Variants in MAPK9 observed in about 807,000 individuals in gnomAD.
MAPK9 encodes mitogen-activated protein kinase 9.
A neutral mutation model predicts 57.1 loss-of-function variants in MAPK9; 30 were observed. The observed-to-expected ratio is 0.53, with a 90% CI of 0.39 to 0.71. MAPK9 has a LOEUF of 0.71. Ranked by LOEUF, MAPK9 falls within the 30% of genes least tolerant of loss-of-function variation. MAPK9 has a pLI of 0.00. For missense variants in MAPK9, 362 were observed against 521.0 expected, an observed-to-expected ratio of 0.69 and a Z score of 2.97; for synonymous variants, 155 against 177.0, an observed-to-expected ratio of 0.88 and a Z score of 0.99.
intron 5 of MAPK9, among the ~76,000 whole-genome samples, chr5:180,256,252 TTA>T (rs1241634179): frequency 6.6e-6 from 1 of 152,208 alleles, no homozygotes; most frequent in Non-Finnish European, 1.5e-5. Context: ...TACTTAAAAT[TTA>T]TGTTTTGTAT....
chr5:180,260,661 G>A (rs1581229497), intron 5 of MAPK9, among the ~76,000 whole-genome samples: 1 of 152,244 alleles, frequency 6.6e-6, no homozygotes, highest in Non-Finnish European at 1.5e-5. Context: ...AATTTTGTCT[G>A]TATGTCTAAA....
chr5:180,241,045 C>T lies in MAPK9; in HGVS notation c.982G>A (p.Ala328Thr), dbSNP rs1456235990. The T allele has an allele frequency of 3.1e-6, 5 of 1,611,930 alleles. No homozygotes were observed. Among genetic ancestry groups the T allele is most frequent in the East Asian group, 2.2e-5 (1 of 44,768 alleles). ...HPYITVWYDP[A>T]EAEAPPPQIY... is the part of the protein sequence containing the mutation. The stretch of plus-strand genomic sequence containing the variant: ...CAGATACTCACGGCTTCTGCTTCGG[C>T]GGGGTCATACCAAACAGTGATGTAT... Residue 328 changes from alanine to threonine, a missense_variant, in exon 9 of 12, where the codon GCC becomes ACC. By Grantham distance (58) the Ala-to-Thr change is moderately conservative (BLOSUM62 0). Coordinates refer to ENST00000452135, the MANE Select transcript of MAPK9 (RefSeq NM_002752.5).
At chr5:180,252,088 G>A (rs1429477756) in intron 5 of MAPK9, among the ~76,000 whole-genome samples, 1 of 152,068 alleles carries the variant, frequency 6.6e-6, no homozygotes, top group Non-Finnish European at 1.5e-5. Context: ...CAGGGTTCGT[G>A]GGGTCAGGGG....
intron 8 of MAPK9, among the ~76,000 whole-genome samples, chr5:180,242,002 C>G (rs1172134432): frequency 6.6e-6 from 1 of 151,756 alleles, no homozygotes; most frequent in Non-Finnish European, 1.5e-5. Context: ...TTTTTTTAAT[C>G]TACAGATTGG....
intron 1 of MAPK9, among the ~76,000 whole-genome samples, chr5:180,281,637 C>T (rs530980368): frequency 1.1e-3 from 170 of 152,296 alleles, no homozygotes; most frequent in African/African-American, 3.6e-3. Flanking sequence ...TAATATTTAA[C>T]GTCAACCTAA....
At chr5:180,256,466 A>G (rs1759294334) in intron 5 of MAPK9, among the ~76,000 whole-genome samples, 1 of 151,954 alleles carries the variant, frequency 6.6e-6, no homozygotes, top group South Asian at 2.1e-4. Context: ...AATGTTTGGA[A>G]CTTCCCCACA....
chr5:180,249,811 CTGAGATAT>C (rs1758494696), intron 5 of MAPK9, among the ~76,000 whole-genome samples: 1 of 152,110 alleles, frequency 6.6e-6, no homozygotes, highest in Non-Finnish European at 1.5e-5. Flanking sequence ...AAGAAAAATA[CTGAGATAT>C]TTTACATTCT....
chr5:180,256,758 C>A (rs1002361536), intron 5 of MAPK9, among the ~76,000 whole-genome samples: 1 of 152,222 alleles, frequency 6.6e-6, no homozygotes, highest in Admixed American at 6.5e-5. Flanking sequence ...CCTGCCGACG[C>A]TGCAGCTCTC....
At chr5:180,255,080 C>T (rs945983757) in intron 5 of MAPK9, among the ~76,000 whole-genome samples, 6 of 152,204 alleles carry the variant, frequency 3.9e-5, no homozygotes, top group African/African-American at 1.2e-4. Flanking sequence ...ATGCTAGATG[C>T]CTTGCTACCA....
chr5:180,239,054 C>T (rs1757435863), intron 10 of MAPK9, among the ~76,000 whole-genome samples: 1 of 152,216 alleles, frequency 6.6e-6, no homozygotes, highest in Non-Finnish European at 1.5e-5. Context: ...GAATATGTTT[C>T]TCTATGTGGT....
intron 11 of MAPK9, chr5:180,237,412 A>T (rs574969578): frequency 2.6e-5 from 4 of 152,346 alleles, no homozygotes; most frequent in African/African-American, 9.6e-5. Flanking sequence ...AATCCTTCAG[A>T]CGTAAGTGAA....
chr5:180,290,599 T>C (rs1763143420), intron 1 of MAPK9, among the ~76,000 whole-genome samples: 1 of 152,234 alleles, frequency 6.6e-6, no homozygotes, highest in South Asian at 2.1e-4. Context: ...ACAGCTAAAC[T>C]ATTATAAAAA....
intron 1 of MAPK9, among the ~76,000 whole-genome samples, chr5:180,282,155 G>A (rs1215023559): frequency 2.0e-5 from 3 of 152,158 alleles, no homozygotes; most frequent in African/African-American, 7.2e-5. Flanking sequence ...TTGGGGCACT[G>A]TGAGCATTCA....
chr5:180,238,243 C>T (rs542991416), intron 11 of MAPK9, 89 bp downstream of exon 11: 2 of 997,024 alleles, frequency 2.0e-6, no homozygotes, highest in Admixed American at 1.9e-5. Context: ...GCTCTCCAGC[C>T]TGGGCGACAG....
chr5:180,241,071 G>A lies in MAPK9; in HGVS notation c.956C>T (p.Pro319Leu), dbSNP rs1757606149. The A allele has an allele frequency of 3.1e-6, 5 of 1,613,904 alleles. No homozygotes were observed. Among genetic ancestry groups the A allele is most frequent in the Non-Finnish European group, 4.2e-6 (5 of 1,179,972 alleles). Residue 319 changes from proline to leucine, a missense_variant, in exon 9 of 12, where the codon CCA becomes CTA. Pro to Leu is a moderately conservative substitution (Grantham distance 98). This residue lies in a region of MAPK9 where 199 missense variants were observed against 251.3 expected (regional missense o/e 0.79). Transcript: ENST00000452135. Reference protein sequence around the residue: ...RISVDEALRHPYITVWYDPAE... With the variant: ...RISVDEALRHLYITVWYDPAE... ...GGGGTCATACCAAACAGTGATGTATGGGTGACGCAGAGCTTCGTCTACAGA... is the reference window on the plus strand; with the variant it reads ...GGGGTCATACCAAACAGTGATGTATAGGTGACGCAGAGCTTCGTCTACAGA...
At position 180,240,032 on chromosome 5, in the gene MAPK9, A is replaced by T. The variant is rs778610216; in HGVS notation, c.997-45T>A. ...TAAAGTCAACAGTAATGCCTCAAAA[A>T]AAAATGAGGCACTAAAAAAGGTAAA... On this transcript the variant is annotated intron_variant, in intron 9 of 11. Transcript: ENST00000452135. 2.0e-6 allele frequency: 3 copies of T among 1,480,628 alleles called. No individual in the cohort carries two copies. In the South Asian group the frequency reaches 3.5e-5, roughly 17 times the overall value. 91.7% of individuals were successfully genotyped at this position (1,480,628 alleles called of 1,614,324 possible).
intron 5 of MAPK9, among the ~76,000 whole-genome samples, chr5:180,249,600 AG>A (rs1206143919): frequency 6.6e-6 from 1 of 152,182 alleles, no homozygotes; most frequent in African/African-American, 2.4e-5. Context: ...TCTCTTGCTA[AG>A]GTCCTCATGC....
intron 5 of MAPK9, among the ~76,000 whole-genome samples, chr5:180,250,842 G>A (rs116440088): frequency 0.011 from 1,668 of 152,276 alleles, 29 homozygotes; most frequent in African/African-American, 0.037. Context: ...AGGCCTGAGA[G>A]GAAGAAACCG....
Position 180,247,412 on chromosome 5 carries a change from CGGGG to C in MAPK9, c.688+23_688+26del. ...TGCCTGAGGCATTAAGAAAGCATGG[CGGGG>C]CCAAGGTCGCGGGGAAGGATACGGT... On this transcript the variant is annotated intron_variant, in intron 7 of 11. Coordinates refer to ENST00000452135, the MANE Select transcript of MAPK9 (RefSeq NM_002752.5). This position sits in a 1 kb window ranked among gnomAD's most constrained non-coding sequence, Gnocchi z 4.5. The C allele has an allele frequency of 6.2e-7, 1 of 1,614,082 alleles. No homozygotes were observed. Among genetic ancestry groups the C allele is most frequent in the South Asian group, 1.1e-5 (1 of 91,060 alleles).
Sources: allele counts gnomAD v4.1 joint callset (sites outside exome capture counted in the v4.1 genomes callset), GRCh38; gene constraint gnomAD v4.1.1; regional missense constraint gnomAD v4.1.1; non-coding constraint Gnocchi (gnomAD v3.1); transcripts MANE v1.5; gene names NCBI Gene and HGNC (gene_info 2026-07-23, HGNC 2026-07-21).